GRM8: variants seen among roughly 807,000 people sequenced by gnomAD.
GRM8 encodes glutamate metabotropic receptor 8.
GRM8 carries 47 observed loss-of-function variants against 87.2 expected under a neutral mutation model. That is an observed-to-expected ratio of 0.54 (90% CI 0.43 to 0.69). The LOEUF (loss-of-function observed/expected upper bound fraction) is 0.69, where lower values mean the gene tolerates loss of function less well. Among genes scored for constraint, GRM8 ranks in the 30% least tolerant of loss-of-function variants. The pLI is 0.00. For synonymous variants in GRM8, 396 were observed against 404.5 expected (o/e 0.98, Z 0.25); for missense variants, 1,019 against 1,139.2 (o/e 0.89, Z 1.52).
intron 7 of GRM8, among the ~76,000 whole-genome samples, chr7:126,657,424 C>A (rs2896373): frequency 0.69 from 104,385 of 151,596 alleles, 36,768 homozygotes; most frequent in African/African-American, 0.85. Flanking sequence ...AACCCCCCCC[C>A]AAAAAAGTCA....
chr7:126,441,217 CAT>C (rs1452125613), intron 10 of GRM8, among the ~76,000 whole-genome samples: 1 of 151,900 alleles, frequency 6.6e-6, no homozygotes, highest in African/African-American at 2.4e-5. Flanking sequence ...ATATAGAAAA[CAT>C]GTGAATTGCC....
chr7:126,683,333 C>T (rs1045146076), intron 7 of GRM8, among the ~76,000 whole-genome samples: 4 of 152,204 alleles, frequency 2.6e-5, no homozygotes, highest in African/African-American at 9.6e-5. Context: ...AGCTCATTTT[C>T]TTCTCTGTTT....
intron 8 of GRM8, among the ~76,000 whole-genome samples, chr7:126,557,050 C>G (rs1793222064): frequency 1.3e-5 from 2 of 152,134 alleles, no homozygotes; most frequent in Admixed American, 6.6e-5. Flanking sequence ...TATTCTTGCT[C>G]TGAAAAATGA....
At chr7:126,705,775 C>A (rs920425169) in intron 7 of GRM8, among the ~76,000 whole-genome samples, 1 of 152,026 alleles carries the variant, frequency 6.6e-6, no homozygotes, top group Non-Finnish European at 1.5e-5. Context: ...ATTTAAACAT[C>A]TAATCTTTAA....
chr7:126,784,014 T>C (rs533357728), intron 6 of GRM8, among the ~76,000 whole-genome samples: 1 of 152,212 alleles, frequency 6.6e-6, no homozygotes, highest in African/African-American at 2.4e-5. Context: ...ATTTAACACA[T>C]CTTTCCTTTA....
At chr7:126,838,607 C>G (rs1244023305) in intron 6 of GRM8, among the ~76,000 whole-genome samples, 2 of 152,204 alleles carry the variant, frequency 1.3e-5, no homozygotes, top group Non-Finnish European at 2.9e-5. Context: ...CCACATACTA[C>G]TTTATTAATG....
chr7:126,601,482 T>C (rs1270328153), intron 8 of GRM8, among the ~76,000 whole-genome samples: 1 of 152,116 alleles, frequency 6.6e-6, no homozygotes, highest in Admixed American at 6.6e-5. Flanking sequence ...GTACTTCTAG[T>C]TCTAAATCCC....
chr7:126,938,225 T>C (rs1806542580), intron 3 of GRM8, among the ~76,000 whole-genome samples: 2 of 152,164 alleles, frequency 1.3e-5, no homozygotes, highest in Non-Finnish European at 2.9e-5. Flanking sequence ...TGGGCCAGAA[T>C]GCAGATGTGA....
intron 3 of GRM8, among the ~76,000 whole-genome samples, chr7:127,035,365 A>G (rs1025115900): frequency 6.6e-6 from 1 of 152,166 alleles, no homozygotes; most frequent in African/African-American, 2.4e-5. Context: ...TTCGTGAAAC[A>G]TTTACTCAGG....
chr7:126,844,551 G>T (rs577845300), intron 6 of GRM8, among the ~76,000 whole-genome samples: 1 of 152,200 alleles, frequency 6.6e-6, no homozygotes, highest in South Asian at 2.1e-4. Context: ...AGAGACAAAG[G>T]GTTTAGTCAC....
intron 8 of GRM8, among the ~76,000 whole-genome samples, chr7:126,567,709 C>T (rs905286697): frequency 6.6e-6 from 1 of 152,012 alleles, no homozygotes; most frequent in Admixed American, 6.6e-5. Context: ...ACTGATAAGC[C>T]TCCGGTTAGG....
chr7:126,934,819 C>A (rs1262118120), intron 3 of GRM8, among the ~76,000 whole-genome samples: 1 of 152,118 alleles, frequency 6.6e-6, no homozygotes, highest in Non-Finnish European at 1.5e-5. Flanking sequence ...TACTTTGACT[C>A]CTTGGAGGTT....
chr7:126,907,126 G>C (rs772564153), intron 3 of GRM8, among the ~76,000 whole-genome samples: 38 of 149,592 alleles, frequency 2.5e-4, no homozygotes, highest in Admixed American at 2.7e-4. Context: ...AAGAGGAAGA[G>C]GAAGAAGGAG....
chr7:127,020,776 T>C (rs1027168830), intron 3 of GRM8, among the ~76,000 whole-genome samples: 1 of 152,106 alleles, frequency 6.6e-6, no homozygotes. Flanking sequence ...CATTTCGTTT[T>C]ATGTGACAGT....
intron 3 of GRM8, among the ~76,000 whole-genome samples, chr7:127,015,731 T>G (rs538142784): frequency 6.6e-6 from 1 of 152,098 alleles, no homozygotes; most frequent in African/African-American, 2.4e-5. Context: ...GCACCAGGAC[T>G]GGTTGTTACT....
intron 7 of GRM8, among the ~76,000 whole-genome samples, chr7:126,763,593 TA>T (rs1817847095): frequency 6.6e-6 from 1 of 151,580 alleles, no homozygotes; most frequent in South Asian, 2.1e-4. Flanking sequence ...ACTAGTTTCA[TA>T]CTGGATTGAT....
chr7:126,925,362 A>G (rs1270104522), intron 3 of GRM8, among the ~76,000 whole-genome samples: 2 of 152,222 alleles, frequency 1.3e-5, no homozygotes, highest in Non-Finnish European at 2.9e-5. Context: ...CATGTGTTCT[A>G]TTATTAAATA....
In GRM8 at chr7:126,991,150, G is replaced by C. The variant is rs186100677; in HGVS notation, c.728-86467C>G. ...CCTCCAGCACAAGATAGACTGAAAT[G>C]ACTGGCAGTAACCTCACAACTTCTT... On this transcript the variant is annotated intron_variant, in intron 3 of 10. Coordinates refer to ENST00000339582, the MANE Select transcript of GRM8 (RefSeq NM_000845.3). Among the ~76,000 whole-genome samples, 51 of 152,164 alleles carry C rather than the reference G, an allele frequency of 3.4e-4. No individual in the cohort carries two copies. In the East Asian group the frequency reaches 8.9e-3, roughly 26 times the overall value.
intron 2 of GRM8, among the ~76,000 whole-genome samples, chr7:127,219,881 C>G (rs1374205584): frequency 6.6e-6 from 1 of 152,042 alleles, no homozygotes; most frequent in African/African-American, 2.4e-5. Flanking sequence ...GACCTGGGAG[C>G]AAACAGACTC....
Sources: allele counts gnomAD v4.1 joint callset (sites outside exome capture counted in the v4.1 genomes callset), GRCh38; gene constraint gnomAD v4.1.1; transcripts MANE v1.5; gene names NCBI Gene and HGNC (gene_info 2026-07-23, HGNC 2026-07-21).